The following ENAM variants were observed in gnomAD, a reference collection of about 807,000 sequenced individuals.
ENAM encodes the protein amelogenesis imperfecta 2, hypocalcification (autosomal dominant).
A neutral mutation model predicts 33.6 loss-of-function variants in ENAM; 21 were observed. The observed-to-expected ratio is 0.63, with a 90% CI of 0.44 to 0.90. ENAM has a LOEUF of 0.90. ENAM is among the 40% of genes least tolerant of loss of function. The pLI is 0.00. For missense variants in ENAM, 1,388 were observed against 1,366.9 expected (o/e 1.02, Z -0.24); for synonymous variants, 473 against 468.4 (o/e 1.01, Z -0.13).
intron 5 of ENAM, 47 bp from the exon 6 acceptor site, chr4:70,634,261 G>T: frequency 6.3e-7 from 1 of 1,595,738 alleles, no homozygotes; most frequent in Non-Finnish European, 8.6e-7. Flanking sequence ...GAGACAGCCT[G>T]AATCACAGCT....
At position 70,642,915 on chromosome 4, in the gene ENAM, C is replaced by T. The variant is rs1738640310; in HGVS notation, c.1489C>T (p.Pro497Ser). Residue 497 changes from proline (P) to serine (S), a missense_variant, in exon 9 of 9, where the codon CCA (proline) becomes TCA (serine). Physicochemically the swap from Pro to Ser is moderately conservative, Grantham distance 74 (BLOSUM62 -1). Coordinates refer to ENST00000396073, the MANE Select transcript of ENAM (RefSeq NM_031889.3). ...TGATCAACATGAAAACTCCTATTAC[C>T]CAAGAGGAGATTCCAGAAAAGTCCC... ...SVDQHENSYY[P>S]RGDSRKVPNS... 1.2e-6 allele frequency: 2 copies of T among 1,613,772 alleles called. No homozygotes were observed. Among genetic ancestry groups the T allele is most frequent in the Non-Finnish European group, 1.7e-6 (2 of 1,179,890 alleles).
chr4:70,629,717 C>T (rs1347405757), intron 2 of ENAM, among the ~76,000 whole-genome samples, 163 bp downstream of exon 2: 1 of 152,054 alleles, frequency 6.6e-6, no homozygotes, highest in Admixed American at 6.6e-5. Flanking sequence ...AGTCATTGTA[C>T]TTTGTGGCAA....
chr4:70,631,644 A>C (rs1560399841), intron 2 of ENAM, 26 bp from the exon 3 acceptor site: 1 of 1,552,048 alleles, frequency 6.4e-7, no homozygotes, highest in Non-Finnish European at 8.9e-7. Context: ...CACAGACCAA[A>C]AATAAAAATC....
intron 2 of ENAM, among the ~76,000 whole-genome samples, chr4:70,630,507 A>C (rs1336934588): frequency 6.6e-6 from 1 of 152,206 alleles, no homozygotes; most frequent in Non-Finnish European, 1.5e-5. Flanking sequence ...TTAAGAAATT[A>C]CTCAAGTAAA....
At chr4:70,631,121 G>T (rs1204652771) in intron 2 of ENAM, among the ~76,000 whole-genome samples, 1 of 152,092 alleles carries the variant, frequency 6.6e-6, no homozygotes, top group Middle Eastern at 3.2e-3. Flanking sequence ...AAAAAAATAA[G>T]ATTCTGCATA....
At position 70,643,700 on chromosome 4, in the gene ENAM, T is replaced by A; in HGVS notation, c.2274T>A (p.Thr758=). 6.2e-7 allele frequency: 1 copy of A among 1,614,104 alleles called. No individual in the cohort carries two copies. ...ATGCCGCTGGACCAGAAGAAAGCAC[T>A]CTATTTCCTTCACGGAATTCCTGGG... ...VNNAAGPEES[T]LFPSRNSWDH... is the part of the protein sequence containing the mutation. Residue 758 remains threonine, a synonymous_variant, in exon 9 of 9, where the codon ACT becomes ACA. Transcript: ENST00000396073.
At chr4:70,632,003 A>G in intron 4 of ENAM, 110 bp downstream of exon 4, 1 of 991,382 alleles carries the variant, frequency 1.0e-6, no homozygotes, top group Non-Finnish European at 1.6e-6. Context: ...CTTATGAAAA[A>G]GGTAAAAAGA....
rs551496947 is a variant in ENAM at position 70,637,514 on chromosome 4, G to T, written c.535-276G>T. 2.9e-5 allele frequency: 13 copies of T among 455,374 alleles called. No homozygotes were observed. The East Asian group carries it at 5.2e-4, about 18-fold the overall frequency. The allele number at this position is 455,374 out of a possible 1,614,324, so 28.2% of individuals were successfully genotyped here. On this transcript the variant is annotated intron_variant, in intron 7 of 8. Coordinates refer to ENST00000396073, the MANE Select transcript of ENAM (RefSeq NM_031889.3). ...GGTATGTTTTTGAGTGTTGGAGGTGGTAAGGAGGATTGCCAACAGATGCAG... is the reference window on the plus strand; with the variant it reads ...GGTATGTTTTTGAGTGTTGGAGGTGTTAAGGAGGATTGCCAACAGATGCAG...
At chr4:70,640,399 G>A (rs1001457515) in intron 8 of ENAM, among the ~76,000 whole-genome samples, 8 of 152,142 alleles carry the variant, frequency 5.3e-5, no homozygotes, top group African/African-American at 1.7e-4. Flanking sequence ...GAATAAATGT[G>A]TCAATGGAAG....
intron 8 of ENAM, among the ~76,000 whole-genome samples, chr4:70,639,061 T>A (rs1347323980): frequency 6.6e-6 from 1 of 152,044 alleles, no homozygotes; most frequent in Non-Finnish European, 1.5e-5. Context: ...CCTCCCAAAG[T>A]GCTGGGATTA....
Position 70,635,957 on chromosome 4 carries a change from A to G in ENAM, c.534+63A>G, listed in dbSNP as rs139228330. The G allele has an allele frequency of 0.058, 50,039 of 861,478 alleles. 2,696 individuals carry two copies. The highest frequency in any genetic ancestry group is 0.23 in the African/African-American group (13,802 of 58,932). The allele number at this position is 861,478 out of a possible 1,614,324, so 53.4% of individuals were successfully genotyped here. ...ATAATATTAGTATGTTATAATTTAA[A>G]TTAATATAAATTCATACATTCTAAT... On this transcript the variant is annotated intron_variant, in intron 7 of 8. Coordinates refer to ENST00000396073, the MANE Select transcript of ENAM (RefSeq NM_031889.3).
intron 8 of ENAM, among the ~76,000 whole-genome samples, chr4:70,641,176 G>A (rs1007653328): frequency 6.6e-5 from 10 of 152,142 alleles, no homozygotes; most frequent in East Asian, 1.9e-4. Flanking sequence ...GAGATTTCAC[G>A]GGAGATGAGC....
At position 70,644,635 on chromosome 4, in the gene ENAM, C is replaced by T. The variant is rs1446730438; in HGVS notation, c.3209C>T (p.Thr1070Ile). 1 of 1,613,976 alleles carries T rather than the reference C, an allele frequency of 6.2e-7. No homozygotes were observed. The highest frequency in any genetic ancestry group is 2.2e-5 in the East Asian group (1 of 44,884). Residue 1070 changes from threonine (T) to isoleucine (I), a missense_variant, in exon 9 of 9, where the codon ACC becomes ATC. Thr to Ile is a moderately conservative substitution (Grantham distance 89, BLOSUM62 -1). Transcript: ENST00000396073. ...SKLAKHHSST[T>I]GTPSSDGRQS... ...TTAGCAAAGCATCACTCTTCCACCA[C>T]CGGAACTCCATCTAGCGATGGAAGG...
intron 2 of ENAM, among the ~76,000 whole-genome samples, chr4:70,630,895 C>A (rs1164969727): frequency 5.3e-5 from 8 of 152,064 alleles, no homozygotes; most frequent in Non-Finnish European, 8.8e-5. Context: ...GTGTGAGACA[C>A]CACACCCGGC....
chr4:70,637,731 AC>A, intron 7 of ENAM, 58 bp from the exon 8 acceptor site: 1 of 1,314,030 alleles, frequency 7.6e-7, no homozygotes, highest in South Asian at 1.2e-5. Context: ...AGTCTTACAA[AC>A]AAATGGCGGC....
chr4:70,633,324 C>T lies in ENAM; in HGVS notation c.210+632C>T, dbSNP rs185946396. The stretch of plus-strand genomic sequence containing the variant: ...TTTTTGTAACCCTTTTTATCCAAGT[C>T]ATTCTCTTTTAAAGCTCTTTGCCTA... On this transcript the variant is annotated intron_variant, in intron 5 of 8. Coordinates refer to ENST00000396073, the MANE Select transcript of ENAM (RefSeq NM_031889.3). 3.1e-3 allele frequency among the ~76,000 whole-genome samples: 474 copies of T among 152,204 alleles called. 3 individuals are homozygous for T. The highest frequency in any genetic ancestry group is 4.2e-3 in the Non-Finnish European group (288 of 67,982).
At chr4:70,634,636 C>A (rs1481810130) in intron 6 of ENAM, 68 bp downstream of exon 6, 2 of 1,436,520 alleles carry the variant, frequency 1.4e-6, no homozygotes, top group Admixed American at 3.4e-5. Context: ...GCCATGCCAC[C>A]CCCATATACA....
rs919484132 is a variant in ENAM at position 70,643,360 on chromosome 4, A to G, written c.1934A>G (p.Gln645Arg). ...CTCTACCCCATAAATACCCCAGACCAGAAGGAGATAGTCCCTTATAATGAA... is the reference window on the plus strand; with the variant it reads ...CTCTACCCCATAAATACCCCAGACCGGAAGGAGATAGTCCCTTATAATGAA... ...SPLYPINTPD[Q>R]KEIVPYNEED... The change falls in exon 9 of 9, where the codon CAG becomes CGG. Residue 645 changes from glutamine (Q) to arginine (R), a missense_variant. Gln to Arg is a conservative substitution (Grantham distance 43). Coordinates refer to ENST00000396073, the MANE Select transcript of ENAM (RefSeq NM_031889.3). The G allele has an allele frequency of 1.9e-6, 3 of 1,614,024 alleles. No individual in the cohort carries two copies. The highest frequency in any genetic ancestry group is 2.5e-6 in the Non-Finnish European group (3 of 1,180,000).
chr4:70,641,847 A>G (rs1307978013), intron 8 of ENAM, among the ~76,000 whole-genome samples, 168 bp from the exon 9 acceptor site: 1 of 152,184 alleles, frequency 6.6e-6, no homozygotes, highest in Non-Finnish European at 1.5e-5. Context: ...CAGAAAGAGT[A>G]TGGTCATGGA....
Sources: allele counts gnomAD v4.1 joint callset (sites outside exome capture counted in the v4.1 genomes callset), GRCh38; gene constraint gnomAD v4.1.1; transcripts MANE v1.5; gene names NCBI Gene and HGNC (gene_info 2026-07-23, HGNC 2026-07-21).